ILDR2: variants seen among roughly 807,000 people sequenced by gnomAD.
The protein encoded by ILDR2 is immunoglobulin-like domain-containing receptor 2.
Under a neutral mutation model 66.8 loss-of-function variants are expected in ILDR2, and 25 were observed. The ratio of observed to expected loss-of-function variants is 0.37; its 90% confidence interval spans 0.27 to 0.52. The LOEUF (loss-of-function observed/expected upper bound fraction) is 0.52. Among genes scored for constraint, ILDR2 ranks in the 20% least tolerant of loss-of-function variants. The pLI is 0.88. For synonymous variants in ILDR2, 367 were observed against 357.2 expected, an observed-to-expected ratio of 1.03 and a Z score of -0.31; for missense variants, 827 against 876.8, an observed-to-expected ratio of 0.94 and a Z score of 0.72.
intron 3 of ILDR2, chr1:166,943,849 G>A (rs2101930565): frequency 1.0e-6 from 1 of 985,144 alleles, no homozygotes; most frequent in Non-Finnish European, 1.2e-6. Context: ...AATGTCTGAG[G>A]AAAGGATGGA....
At chr1:166,965,849 C>G (rs1662920176) in intron 1 of ILDR2, among the ~76,000 whole-genome samples, 1 of 151,498 alleles carries the variant, frequency 6.6e-6, no homozygotes. Flanking sequence ...AACATGTTGT[C>G]CCAATTTCCT....
chr1:166,961,950 A>G (rs1434005778), intron 1 of ILDR2, among the ~76,000 whole-genome samples: 4 of 152,214 alleles, frequency 2.6e-5, no homozygotes, highest in Non-Finnish European at 5.9e-5. Flanking sequence ...ACGTGTATGC[A>G]CACATGCATA....
In ILDR2 at chr1:166,916,394, T is replaced by C. The variant is rs1659644442; in HGVS notation, c.*2961A>G. The C allele has an allele frequency of 6.6e-6, 1 of 152,254 alleles. No homozygotes were observed. Among genetic ancestry groups the C allele is most frequent in the Non-Finnish European group, 1.5e-5 (1 of 68,046 alleles). The allele number at this position is 152,254 out of a possible 1,614,324, so 9.4% of individuals were successfully genotyped here. ...ATAGCACTATTTCATACTCTATGTA[T>C]AAAATCTCCTTTCTTGAGCATGTCT... is the stretch of plus-strand genomic sequence containing the variant. On this transcript the variant is annotated 3_prime_UTR_variant, in exon 10 of 10. Transcript: ENST00000271417.
Position 166,912,857 on chromosome 1 carries a change from T to C in ILDR2, c.*6498A>G, listed in dbSNP as rs1178996630. The C allele has an allele frequency of 6.6e-6, 1 of 152,168 alleles. No homozygotes were observed. The highest frequency in any genetic ancestry group is 1.5e-5 in the Non-Finnish European group (1 of 68,030). 9.4% of individuals were successfully genotyped at this position (152,168 alleles called of 1,614,324 possible). On this transcript the variant is annotated 3_prime_UTR_variant, in exon 10 of 10. Transcript: ENST00000271417. ...GCTTCCTTCCTCCCTTCCCCAAGTG[T>C]AATTTCTAGCAGGCATATGCTTGTG...
intron 3 of ILDR2, among the ~76,000 whole-genome samples, chr1:166,950,797 CTG>C (rs1420080176): frequency 1.3e-5 from 2 of 151,448 alleles, no homozygotes; most frequent in Non-Finnish European, 2.9e-5. Context: ...TGTAATATAA[CTG>C]TACTTCTGGT....
At chr1:166,972,167 G>A (rs776739163) in intron 1 of ILDR2, among the ~76,000 whole-genome samples, 7 of 151,874 alleles carry the variant, frequency 4.6e-5, no homozygotes, top group Non-Finnish European at 1.0e-4. Flanking sequence ...AGCCGAGATG[G>A]TGCCAATGCA....
At chr1:166,975,095 C>T in intron 1 of ILDR2, 128 bp downstream of exon 1, 2 of 739,176 alleles carry the variant, frequency 2.7e-6, no homozygotes, top group East Asian at 2.7e-5. Context: ...CCCCACTTTC[C>T]ACCAGACCGC....
rs748820573 is a variant in ILDR2 at position 166,913,539 on chromosome 1, C to G, written c.*5816G>C. 1 of 152,118 alleles carries G rather than the reference C, an allele frequency of 6.6e-6. No individual in the cohort carries two copies. The highest frequency in any genetic ancestry group is 2.4e-5 in the African/African-American group (1 of 41,406). 9.4% of individuals were successfully genotyped at this position (152,118 alleles called of 1,614,324 possible). On this transcript the variant is annotated 3_prime_UTR_variant, in exon 10 of 10. Transcript: ENST00000271417. ...GCCTTCCCAGAAGAAATGAGTCAGA[C>G]TAGTTACTTCATGGCCAGCCCCACC...
intron 2 of ILDR2, among the ~76,000 whole-genome samples, chr1:166,897,134 A>G (rs561631528): frequency 6.6e-6 from 1 of 152,320 alleles, no homozygotes; most frequent in East Asian, 1.9e-4. Flanking sequence ...TGGTGGGAAA[A>G]TACAACTAGC....
chr1:166,974,213 T>C (rs59862115), intron 1 of ILDR2, among the ~76,000 whole-genome samples: 9,887 of 152,150 alleles, frequency 0.065, 685 homozygotes, highest in African/African-American at 0.18. Context: ...CCTTTTTCCA[T>C]TTCTTCCATC....
Position 166,914,449 on chromosome 1 carries a change from C to T in ILDR2, c.*4906G>A, listed in dbSNP as rs1659568034. ...AAACCATTTGACTACAGACAAGTCA[C>T]TTAGTATTTTTCAACCTCAGTTTTA... On this transcript the variant is annotated 3_prime_UTR_variant, in exon 10 of 10. Coordinates refer to ENST00000271417, the MANE Select transcript of ILDR2 (RefSeq NM_199351.3). 6.6e-6 allele frequency: 1 copy of T among 152,236 alleles called. No individual in the cohort carries two copies. The highest frequency in any genetic ancestry group is 1.5e-5 in the Non-Finnish European group (1 of 68,044). 9.4% of individuals were successfully genotyped at this position (152,236 alleles called of 1,614,324 possible).
At chr1:166,939,387 T>C in intron 4 of ILDR2, 127 bp downstream of exon 4, 1 of 760,864 alleles carries the variant, frequency 1.3e-6, no homozygotes, top group Non-Finnish European at 2.3e-6. Context: ...TAGTTAATCC[T>C]GGAAAAGATC....
intron 1 of ILDR2, among the ~76,000 whole-genome samples, chr1:166,968,131 C>G (rs1341494954): frequency 6.6e-6 from 1 of 152,228 alleles, no homozygotes; most frequent in Non-Finnish European, 1.5e-5. Flanking sequence ...TTCCCTCTAG[C>G]CTTCAGGAGC....
At position 166,922,882 on chromosome 1, in the gene ILDR2, A is replaced by G. The variant is rs1006079085; in HGVS notation, c.995-73T>C. 7 of 1,341,716 alleles carry G rather than the reference A, an allele frequency of 5.2e-6. No individual in the cohort carries two copies. The Admixed American group carries it at 6.8e-5, about 13-fold the overall frequency. 83.1% of individuals were successfully genotyped at this position (1,341,716 alleles called of 1,614,324 possible). A position where few individuals can be genotyped will look rare whatever the true frequency, so the allele number is the denominator to read the frequency against. ...TTTAGACAGGAAGAGAATCCTGTTAAGGGCTGAGACCCTAGGCTCCAGGAA... is the reference window on the plus strand; with the variant it reads ...TTTAGACAGGAAGAGAATCCTGTTAGGGGCTGAGACCCTAGGCTCCAGGAA... On this transcript the variant is annotated intron_variant, in intron 7 of 9. Transcript: ENST00000271417.
chr1:166,923,181 G>C (rs1660064772), intron 7 of ILDR2, among the ~76,000 whole-genome samples: 2 of 152,170 alleles, frequency 1.3e-5, no homozygotes, highest in South Asian at 4.2e-4. Flanking sequence ...TCTGTGATGA[G>C]CTGTGTTGAT....
chr1:166,932,377 G>T (rs571078043), intron 6 of ILDR2, among the ~76,000 whole-genome samples: 1 of 152,294 alleles, frequency 6.6e-6, no homozygotes, highest in South Asian at 2.1e-4. Flanking sequence ...AAGGAGTTTG[G>T]CTGTGAAGAA....
chr1:166,966,368 C>T (rs1662946847), intron 1 of ILDR2, among the ~76,000 whole-genome samples: 1 of 152,182 alleles, frequency 6.6e-6, no homozygotes, highest in African/African-American at 2.4e-5. Context: ...GATGTACCAT[C>T]TTGAAATTTT....
At chr1:166,939,397 C>A in intron 4 of ILDR2, 117 bp downstream of exon 4, 1 of 824,228 alleles carries the variant, frequency 1.2e-6, no homozygotes, top group South Asian at 1.5e-5. Context: ...TGGAAAAGAT[C>A]AGAGACATAT....
intron 3 of ILDR2, among the ~76,000 whole-genome samples, chr1:166,943,417 G>A (rs996659250): frequency 2.7e-5 from 4 of 150,030 alleles, no homozygotes; most frequent in Non-Finnish European, 5.9e-5. Flanking sequence ...GCGTAAACCC[G>A]GGAGGCGGAG....
Sources: gnomAD v4.1 joint callset for allele counts (sites outside exome capture counted in the v4.1 genomes callset) on GRCh38, gnomAD v4.1.1 for gene constraint, MANE v1.5 for transcripts, NCBI Gene and HGNC (gene_info 2026-07-23, HGNC 2026-07-21) for gene names.